Variants in CDH4 observed in about 807,000 individuals in gnomAD.
The protein encoded by CDH4 is cadherin 4.
A neutral mutation model predicts 86.0 loss-of-function variants in CDH4; 33 were observed. The observed-to-expected ratio is 0.38, with a 90% CI of 0.29 to 0.51. The LOEUF (loss-of-function observed/expected upper bound fraction) is 0.51, where lower values mean the gene tolerates loss of function less well. CDH4 is among the 20% of genes least tolerant of loss of function. The pLI is 0.86. For missense variants in CDH4, 1,114 were observed against 1,307.4 expected, an observed-to-expected ratio of 0.85 and a Z score of 2.28; for synonymous variants, 555 against 549.4, an observed-to-expected ratio of 1.01 and a Z score of -0.14.
chr20:61,504,022 G>A (rs534988241), intron 2 of CDH4, among the ~76,000 whole-genome samples: 43 of 152,264 alleles, frequency 2.8e-4, no homozygotes, highest in East Asian at 5.8e-4. Flanking sequence ...CATCCCACTC[G>A]CCATCCCTAG....
At chr20:61,724,235 G>A (rs570269571) in intron 2 of CDH4, among the ~76,000 whole-genome samples, 171 of 152,248 alleles carry the variant, frequency 1.1e-3, no homozygotes, top group African/African-American at 3.1e-3. Flanking sequence ...TGGACCCAGC[G>A]GGCTCCTCAC....
chr20:61,852,902 A>C lies in CDH4; in HGVS notation c.877+4A>C, dbSNP rs779786167. Reference sequence around the variant, plus strand: ...GTGGACGAGGGCTCCAAGCCAGGTGAGGCCTTTAGCGTTTGCTTGCTGGAG... The same window carrying C: ...GTGGACGAGGGCTCCAAGCCAGGTGCGGCCTTTAGCGTTTGCTTGCTGGAG... On this transcript the variant is annotated splice_donor_region_variant and intron_variant, in intron 6 of 15. Transcript: ENST00000614565. 3 of 1,613,506 alleles carry C rather than the reference A, an allele frequency of 1.9e-6. No homozygotes were observed. In the East Asian group the frequency reaches 6.7e-5, roughly 36 times the overall value.
rs148359268 is a variant in CDH4 at position 61,666,223 on chromosome 20, G to A, written c.170-77340G>A. Among the ~76,000 whole-genome samples the A allele has an allele frequency of 1.5e-3, 234 of 152,322 alleles. 1 individual carries two copies. Among genetic ancestry groups the A allele is most frequent in the African/African-American group, 5.0e-3 (209 of 41,586 alleles). On this transcript the variant is annotated intron_variant, in intron 2 of 15. Coordinates refer to ENST00000614565, the MANE Select transcript of CDH4 (RefSeq NM_001794.5). ...AGTGGGGTGGCTGTTGCCACACTTT[G>A]TCCAACAGCAGTCATGCCTCCCCAC...
intron 2 of CDH4, among the ~76,000 whole-genome samples, chr20:61,451,645 C>G (rs1030571635): frequency 6.6e-6 from 1 of 151,420 alleles, no homozygotes; most frequent in African/African-American, 2.4e-5. Flanking sequence ...GAGCTGGGGT[C>G]GCCAAGGAAA....
chr20:61,600,558 C>T (rs1168629840), intron 2 of CDH4, among the ~76,000 whole-genome samples: 1 of 152,164 alleles, frequency 6.6e-6, no homozygotes, highest in Non-Finnish European at 1.5e-5. Flanking sequence ...ACTCACCCTG[C>T]GCAGTGCCTC....
Position 61,279,910 on chromosome 20 carries a change from G to A in CDH4, c.169+24973G>A, listed in dbSNP as rs145932649. 3.1e-3 allele frequency among the ~76,000 whole-genome samples: 472 copies of A among 152,266 alleles called. 3 individuals carry two copies. Among genetic ancestry groups the A allele is most frequent in the African/African-American group, 0.011 (452 of 41,548 alleles). On this transcript the variant is annotated intron_variant, in intron 2 of 15. Coordinates refer to ENST00000614565, the MANE Select transcript of CDH4 (RefSeq NM_001794.5). The stretch of plus-strand genomic sequence containing the variant: ...GCCCTGCTTGAAGATACGGATACTC[G>A]GAGGGAAAGGGGACATCTTCACCAG...
chr20:61,874,610 C>T (rs529358145), intron 7 of CDH4, among the ~76,000 whole-genome samples: 3 of 152,312 alleles, frequency 2.0e-5, no homozygotes, highest in East Asian at 1.9e-4. Flanking sequence ...GCATCTCCAG[C>T]ACTGGGCTGT....
chr20:61,835,718 C>T (rs1265178973), intron 4 of CDH4, among the ~76,000 whole-genome samples: 3 of 152,208 alleles, frequency 2.0e-5, no homozygotes, highest in East Asian at 1.9e-4. Context: ...ATAACTTGTA[C>T]GAGAATCCCT....
At chr20:61,928,136 TTGGTCA>T in intron 11 of CDH4, 48 bp from the exon 12 acceptor site, 2 of 1,350,226 alleles carry the variant, frequency 1.5e-6, no homozygotes, top group Non-Finnish European at 2.1e-6. Context: ...GAGCTGTGGG[TTGGTCA>T]TGGAGTACCA....
chr20:61,618,422 A>T (rs1180872400), intron 2 of CDH4, among the ~76,000 whole-genome samples: 1 of 152,116 alleles, frequency 6.6e-6, no homozygotes, highest in East Asian at 1.9e-4. Context: ...GAATGAATCA[A>T]CAAAGGACAA....
At chr20:61,815,318 A>G (rs777074236) in intron 4 of CDH4, among the ~76,000 whole-genome samples, 11 of 152,210 alleles carry the variant, frequency 7.2e-5, no homozygotes, top group Non-Finnish European at 1.5e-4. Context: ...GCTACCTGTC[A>G]TGAGTCTCGT....
intron 4 of CDH4, among the ~76,000 whole-genome samples, chr20:61,817,513 AT>A (rs371925005): frequency 4.0e-5 from 6 of 151,176 alleles, no homozygotes; most frequent in African/African-American, 1.5e-4. Context: ...TTTTATTTTT[AT>A]TTTTTTAAGA....
At chr20:61,565,092 T>TGGTGGTGGTGGTGG (rs747308048) in intron 2 of CDH4, among the ~76,000 whole-genome samples, 67 of 63,814 alleles carry the variant, frequency 1.0e-3, no homozygotes, top group South Asian at 2.3e-3. Flanking sequence ...GGTGGTGCTC[T>TGGTGGTGGTGGTGG]TGGTGGTGCT....
At chr20:61,583,664 A>C (rs1179896739) in intron 2 of CDH4, among the ~76,000 whole-genome samples, 1 of 152,176 alleles carries the variant, frequency 6.6e-6, no homozygotes, top group Non-Finnish European at 1.5e-5. Flanking sequence ...CCTCGTTGAC[A>C]TCACATTGCC....
At chr20:61,715,032 T>C (rs1334786059) in intron 2 of CDH4, among the ~76,000 whole-genome samples, 1 of 152,252 alleles carries the variant, frequency 6.6e-6, no homozygotes, top group Non-Finnish European at 1.5e-5. Flanking sequence ...CCATCAGCAA[T>C]GTGTGAGCAT....
intron 2 of CDH4, among the ~76,000 whole-genome samples, chr20:61,360,740 C>T (rs28392921): frequency 0.23 from 34,676 of 151,966 alleles, 4,493 homozygotes; most frequent in South Asian, 0.35. Context: ...GAACTTCACA[C>T]AAAATGGAAA....
intron 2 of CDH4, among the ~76,000 whole-genome samples, chr20:61,270,128 G>A (rs2084176340): frequency 1.3e-5 from 2 of 152,236 alleles, no homozygotes; most frequent in African/African-American, 4.8e-5. Context: ...ATAAATTATG[G>A]AGAATGGCTT....
At chr20:61,343,314 C>G (rs982073348) in intron 2 of CDH4, among the ~76,000 whole-genome samples, 5 of 152,198 alleles carry the variant, frequency 3.3e-5, no homozygotes, top group Admixed American at 2.0e-4. Context: ...AAAGAAACTT[C>G]AGGTTAGCAG....
chr20:61,305,101 G>T lies in CDH4; in HGVS notation c.169+50164G>T, dbSNP rs553616861. ...TGTGTGTTGTGTATGCACTGTGTGTGTGGTGTGTGCTCTGGGCCTGTATTG... is the reference window on the plus strand; with the variant it reads ...TGTGTGTTGTGTATGCACTGTGTGTTTGGTGTGTGCTCTGGGCCTGTATTG... On this transcript the variant is annotated intron_variant, in intron 2 of 15. Coordinates refer to ENST00000614565, the MANE Select transcript of CDH4 (RefSeq NM_001794.5). Among the ~76,000 whole-genome samples, 3 of 152,028 alleles carry T rather than the reference G, an allele frequency of 2.0e-5. No homozygotes were observed. In the East Asian group the frequency reaches 5.8e-4, roughly 29 times the overall value.
Sources: gnomAD v4.1 joint callset for allele counts (sites outside exome capture counted in the v4.1 genomes callset) on GRCh38, gnomAD v4.1.1 for gene constraint, MANE v1.5 for transcripts, NCBI Gene and HGNC (gene_info 2026-07-23, HGNC 2026-07-21) for gene names.